LRRTM4: variants seen among roughly 807,000 people sequenced by gnomAD.
The protein encoded by LRRTM4 is leucine-rich repeat transmembrane neuronal protein 4.
In LRRTM4, 25 loss-of-function variants were observed where a neutral mutation model predicts 47.6. The observed-to-expected ratio is 0.53, with a 90% CI of 0.38 to 0.73. The LOEUF (loss-of-function observed/expected upper bound fraction) is 0.73, where lower values mean the gene tolerates loss of function less well. LRRTM4 is among the 30% of genes least tolerant of loss of function. LRRTM4 has a pLI of 0.00. For missense variants in LRRTM4, 638 were observed against 713.4 expected, an observed-to-expected ratio of 0.89 and a Z score of 1.20; for synonymous variants, 311 against 269.5, an observed-to-expected ratio of 1.15 and a Z score of -1.51.
intron 3 of LRRTM4, among the ~76,000 whole-genome samples, chr2:77,020,171 T>G (rs1678216280): frequency 9.4e-6 from 1 of 106,780 alleles, no homozygotes; most frequent in African/African-American, 5.8e-5. Context: ...AGTTTATAAG[T>G]AGTATTAATA....
At chr2:77,267,972 T>C (rs1676093207) in intron 3 of LRRTM4, among the ~76,000 whole-genome samples, 1 of 152,160 alleles carries the variant, frequency 6.6e-6, no homozygotes, top group African/African-American at 2.4e-5. Flanking sequence ...CATCTCTGGC[T>C]ATTGACTGTC....
intron 3 of LRRTM4, among the ~76,000 whole-genome samples, chr2:76,796,676 A>G (rs1288153924): frequency 8.3e-6 from 1 of 120,766 alleles, no homozygotes; most frequent in Non-Finnish European, 1.6e-5. Flanking sequence ...CCATCATCAA[A>G]GACCAAAAGT....
At chr2:77,000,146 G>A (rs978299676) in intron 3 of LRRTM4, among the ~76,000 whole-genome samples, 30 of 137,976 alleles carry the variant, frequency 2.2e-4, no homozygotes, top group Non-Finnish European at 3.4e-4. Flanking sequence ...AGAAAGAGTG[G>A]GAAAGTATGT....
At chr2:77,318,527 A>T (rs1417295581) in intron 3 of LRRTM4, among the ~76,000 whole-genome samples, 6 of 152,110 alleles carry the variant, frequency 3.9e-5, no homozygotes, top group Admixed American at 2.6e-4. Flanking sequence ...TTAAAATGAC[A>T]CCTGGAAAAT....
At chr2:77,376,452 C>A (rs1672844723) in intron 3 of LRRTM4, among the ~76,000 whole-genome samples, 1 of 150,854 alleles carries the variant, frequency 6.6e-6, no homozygotes, top group South Asian at 2.1e-4. Flanking sequence ...GTCCCCATCC[C>A]CAATACCATC....
intron 3 of LRRTM4, among the ~76,000 whole-genome samples, chr2:76,810,079 C>T (rs1670689214): frequency 6.6e-6 from 1 of 152,148 alleles, no homozygotes; most frequent in South Asian, 2.1e-4. Context: ...TTTTCTACAT[C>T]CCCTACTAGA....
chr2:77,287,580 G>A (rs185020033), intron 3 of LRRTM4, among the ~76,000 whole-genome samples: 106 of 151,930 alleles, frequency 7.0e-4, no homozygotes, highest in Middle Eastern at 3.4e-3. Context: ...ATTAAATGAC[G>A]TGCCACTCTG....
intron 3 of LRRTM4, among the ~76,000 whole-genome samples, chr2:77,086,067 T>C (rs2031696387): frequency 6.6e-6 from 1 of 152,314 alleles, no homozygotes; most frequent in East Asian, 1.9e-4. Flanking sequence ...GCCTTGATTA[T>C]ATTTGTTAAG....
In LRRTM4 at chr2:77,205,681, G is replaced by A. The variant is rs374306639; in HGVS notation, c.1551+312637C>T. 4.6e-5 allele frequency among the ~76,000 whole-genome samples: 7 copies of A among 152,226 alleles called. No homozygotes were observed. The South Asian group carries it at 1.5e-3, about 32-fold the overall frequency. Reference sequence around the variant, plus strand: ...ACATTCACAGTCTGTATATTATTCTGATTCTAATGGAAATCCACGAAGTTT... The same window carrying A: ...ACATTCACAGTCTGTATATTATTCTAATTCTAATGGAAATCCACGAAGTTT... On this transcript the variant is annotated intron_variant, in intron 3 of 3. Transcript: ENST00000409884.
At chr2:77,330,555 T>C (rs942413496) in intron 3 of LRRTM4, among the ~76,000 whole-genome samples, 1 of 152,288 alleles carries the variant, frequency 6.6e-6, no homozygotes, top group Middle Eastern at 3.4e-3. Flanking sequence ...ATTTTAATGA[T>C]GTAAAAAAAT....
At chr2:77,145,682 G>A (rs548144642) in intron 3 of LRRTM4, among the ~76,000 whole-genome samples, 2 of 151,952 alleles carry the variant, frequency 1.3e-5, no homozygotes, top group Admixed American at 6.6e-5. Context: ...GCTGAGGCAG[G>A]AGAATGGCGT....
chr2:77,204,605 C>A (rs575136885), intron 3 of LRRTM4, among the ~76,000 whole-genome samples: 4 of 152,140 alleles, frequency 2.6e-5, no homozygotes, highest in Non-Finnish European at 5.9e-5. Flanking sequence ...CCCTATCATG[C>A]TATCTTGAGT....
At position 77,089,276 on chromosome 2, in the gene LRRTM4, G is replaced by C. The variant is rs907210085; in HGVS notation, c.1552-340360C>G. 3.0e-4 allele frequency among the ~76,000 whole-genome samples: 46 copies of C among 151,624 alleles called. 1 individual carries two copies. The highest frequency in any genetic ancestry group is 8.8e-5 in the Non-Finnish European group (6 of 67,958). ...CCCTTCTCTGCTTTTCTGGGAGGGG[G>C]CAAGTACCCCTCAACCCCTTCTCCT... On this transcript the variant is annotated intron_variant, in intron 3 of 3. Transcript: ENST00000409884.
chr2:76,784,498 C>G (rs965406799), intron 3 of LRRTM4, among the ~76,000 whole-genome samples: 17 of 151,980 alleles, frequency 1.1e-4, no homozygotes, highest in African/African-American at 1.7e-4. Flanking sequence ...CTGTGTTTTT[C>G]TCACTGGGTG....
chr2:77,166,129 T>G (rs987706430), intron 3 of LRRTM4, among the ~76,000 whole-genome samples: 1 of 152,184 alleles, frequency 6.6e-6, no homozygotes, highest in Non-Finnish European at 1.5e-5. Context: ...ATAAAATTAA[T>G]GTGCAAAAAT....
chr2:77,475,885 A>C (rs532205081), intron 3 of LRRTM4, among the ~76,000 whole-genome samples: 1 of 151,856 alleles, frequency 6.6e-6, no homozygotes, highest in Non-Finnish European at 1.5e-5. Context: ...GCCTGTTTAC[A>C]TTCTATGCCT....
chr2:77,422,146 T>C (rs1328200190), intron 3 of LRRTM4, among the ~76,000 whole-genome samples: 1 of 152,228 alleles, frequency 6.6e-6, no homozygotes, highest in Non-Finnish European at 1.5e-5. Flanking sequence ...CATCTACTGA[T>C]GCATTTCTCA....
At chr2:77,194,068 A>G (rs1350701454) in intron 3 of LRRTM4, among the ~76,000 whole-genome samples, 1 of 152,138 alleles carries the variant, frequency 6.6e-6, no homozygotes, top group Non-Finnish European at 1.5e-5. Context: ...TTTGATGGTT[A>G]TTGAGAAACA....
intron 3 of LRRTM4, among the ~76,000 whole-genome samples, chr2:77,301,793 C>T (rs1677139566): frequency 1.3e-5 from 2 of 152,044 alleles, no homozygotes; most frequent in South Asian, 4.1e-4. Flanking sequence ...ATATTAAATT[C>T]AGTTATTAGT....
Sources: gnomAD v4.1 joint callset for allele counts (sites outside exome capture counted in the v4.1 genomes callset) on GRCh38, gnomAD v4.1.1 for gene constraint, MANE v1.5 for transcripts, NCBI Gene and HGNC (gene_info 2026-07-23, HGNC 2026-07-21) for gene names.